The following PDE3B variants were observed in gnomAD, a reference collection of about 807,000 sequenced individuals.
The protein encoded by PDE3B is phosphodiesterase 3B.
Under a neutral mutation model 116.8 loss-of-function variants are expected in PDE3B, and 66 were observed. The observed-to-expected ratio is 0.56, with a 90% confidence interval of 0.46 to 0.69. The LOEUF is 0.69. Ranked by LOEUF, PDE3B falls within the 30% of genes least tolerant of loss-of-function variation. The probability of loss-of-function intolerance (pLI) is 0.00; values close to 1 mark genes in which losing one functional copy is unlikely to be tolerated. For synonymous variants in PDE3B, 595 were observed against 533.6 expected, an observed-to-expected ratio of 1.12 and a Z score of -1.59; for missense variants, 1,384 against 1,368.1, an observed-to-expected ratio of 1.01 and a Z score of -0.18.
intron 14 of PDE3B, among the ~76,000 whole-genome samples, chr11:14,866,011 C>T (rs904940617): frequency 1.3e-5 from 2 of 152,136 alleles, no homozygotes; most frequent in African/African-American, 2.4e-5. Flanking sequence ...TTCCTTATCT[C>T]CAATACGACC....
At chr11:14,679,495 C>T (rs963286972) in intron 1 of PDE3B, among the ~76,000 whole-genome samples, 4 of 152,254 alleles carry the variant, frequency 2.6e-5, no homozygotes, top group Middle Eastern at 3.4e-3. Context: ...CATATTTTGG[C>T]AAGCCAGCCA....
intron 14 of PDE3B, among the ~76,000 whole-genome samples, chr11:14,864,209 G>A (rs1402555046): frequency 1.3e-5 from 2 of 152,050 alleles, no homozygotes; most frequent in African/African-American, 4.8e-5. Context: ...AGACCAAGAA[G>A]GGCATTAAAT....
At chr11:14,831,548 T>A (rs540460373) in intron 8 of PDE3B, 92 bp from the exon 9 acceptor site, 72 of 715,576 alleles carry the variant, frequency 1.0e-4, no homozygotes, top group South Asian at 6.9e-4. Context: ...CTGACTTTTT[T>A]AAATGTTTAA....
intron 1 of PDE3B, among the ~76,000 whole-genome samples, chr11:14,740,516 C>A (rs569682234): frequency 1.3e-5 from 2 of 151,930 alleles, no homozygotes; most frequent in Non-Finnish European, 2.9e-5. Context: ...GTCTGGCTAG[C>A]GGTCTGTCTA....
In PDE3B at chr11:14,685,962, A is replaced by G. The variant is rs115019207; in HGVS notation, c.978+40909A>G. ...TACCTATGCCACAGGTGGACAGGTAAGCCCTTTTATGGTTGCTGAAATAAG... is the reference window on the plus strand; with the variant it reads ...TACCTATGCCACAGGTGGACAGGTAGGCCCTTTTATGGTTGCTGAAATAAG... On this transcript the variant is annotated intron_variant, in intron 1 of 15. Transcript: ENST00000282096. 2.9e-3 allele frequency among the ~76,000 whole-genome samples: 445 copies of G among 152,248 alleles called. 4 individuals are homozygous for G. The highest frequency in any genetic ancestry group is 9.9e-3 in the African/African-American group (412 of 41,554).
At chr11:14,826,949 C>T (rs1438316879) in intron 7 of PDE3B, among the ~76,000 whole-genome samples, 1 of 152,152 alleles carries the variant, frequency 6.6e-6, no homozygotes, top group Non-Finnish European at 1.5e-5. Flanking sequence ...AATTCAGCAG[C>T]ACATCTAAAA....
intron 1 of PDE3B, among the ~76,000 whole-genome samples, chr11:14,695,680 C>G (rs11606533): frequency 1.3e-5 from 2 of 151,962 alleles, no homozygotes; most frequent in Non-Finnish European, 2.9e-5. Flanking sequence ...CCACCCTCCC[C>G]CAACAGGCCC....
rs1313240588 is a variant in PDE3B, at chr11:14,819,181, T to C, written c.1779T>C (p.Asp593=). ...AATATGTTTCAACATCTGAATCAGA[T>C]GGTACAGATTGCTGCAGTGGAAAAT... ...MLKYVSTSES[D]GTDCCSGKSG... is the part of the protein sequence containing the mutation. The change falls in exon 7 of 16, where the codon GAT becomes GAC. Residue 593 remains aspartate (D), a synonymous_variant. Coordinates refer to ENST00000282096, the MANE Select transcript of PDE3B (RefSeq NM_000922.4). 2 of 1,594,594 alleles carry C rather than the reference T, an allele frequency of 1.3e-6. No homozygotes were observed. Among genetic ancestry groups the C allele is most frequent in the Non-Finnish European group, 1.7e-6 (2 of 1,167,046 alleles).
intron 5 of PDE3B, among the ~76,000 whole-genome samples, chr11:14,815,184 A>G (rs1463489045): frequency 6.6e-6 from 1 of 152,140 alleles, no homozygotes; most frequent in African/African-American, 2.4e-5. Flanking sequence ...AACATCTGAG[A>G]AGGAACTAGA....
chr11:14,710,304 A>G (rs150196713), intron 1 of PDE3B, among the ~76,000 whole-genome samples: 12 of 152,026 alleles, frequency 7.9e-5, no homozygotes, highest in Admixed American at 7.9e-4. Flanking sequence ...TATTTTTTTG[A>G]TTGATTGTGA....
At chr11:14,820,232 C>CTTTTTTTT (rs36115886) in intron 7 of PDE3B, among the ~76,000 whole-genome samples, 1 of 140,768 alleles carries the variant, frequency 7.1e-6, no homozygotes. Flanking sequence ...CCAACTCATT[C>CTTTTTTTT]TTTTTTTTTT....
At chr11:14,769,795 ATTTT>A (rs565891950) in intron 1 of PDE3B, among the ~76,000 whole-genome samples, 2 of 133,948 alleles carry the variant, frequency 1.5e-5, no homozygotes, top group Admixed American at 7.6e-5. Flanking sequence ...AATTTTCAAG[ATTTT>A]TTTTTTTTTT....
chr11:14,863,897 T>C (rs1847994942), intron 14 of PDE3B, among the ~76,000 whole-genome samples: 1 of 152,082 alleles, frequency 6.6e-6, no homozygotes, highest in Non-Finnish European at 1.5e-5. Context: ...CCACATCAAC[T>C]AACGGGCAAA....
chr11:14,708,300 C>T (rs377633062), intron 1 of PDE3B, among the ~76,000 whole-genome samples: 7 of 152,090 alleles, frequency 4.6e-5, no homozygotes, highest in African/African-American at 1.7e-4. Flanking sequence ...AACCTGAGGC[C>T]CTCCCTAGAT....
rs780711850 is a variant in PDE3B at position 14,786,515 on chromosome 11, C to A, written c.1108C>A (p.Pro370Thr). The change falls in exon 3 of 16, where the codon CCA (proline) becomes ACA (threonine). Residue 370 changes from proline to threonine, a missense_variant. By Grantham distance (38) the Pro-to-Thr change is conservative. This residue lies in a region of PDE3B where 956 missense variants were observed against 806.8 expected (regional missense o/e 1.18). Coordinates refer to ENST00000282096, the MANE Select transcript of PDE3B (RefSeq NM_000922.4). ...TATGGTGTCAGATCTTCTGACTGAT[C>A]CAAGCCTTCCACCACAAGTCATTTC... is the stretch of plus-strand genomic sequence containing the variant. The part of the protein sequence containing the change: ...RNMVSDLLTD[P>T]SLPPQVISSL... The A allele has an allele frequency of 1.2e-6, 2 of 1,612,642 alleles. No individual in the cohort carries two copies.
intron 2 of PDE3B, among the ~76,000 whole-genome samples, chr11:14,778,186 G>A (rs570895832): frequency 1.1e-4 from 16 of 152,170 alleles, no homozygotes; most frequent in Non-Finnish European, 2.4e-4. Flanking sequence ...AATGGGTGGA[G>A]CCCACCACAG....
At chr11:14,689,774 G>GTT (rs1164357577) in intron 1 of PDE3B, among the ~76,000 whole-genome samples, 2 of 152,150 alleles carry the variant, frequency 1.3e-5, no homozygotes, top group South Asian at 4.1e-4. Context: ...TAAGCTCCAG[G>GTT]TTTGTCACTT....
At chr11:14,817,685 A>G (rs1332224254) in intron 5 of PDE3B, among the ~76,000 whole-genome samples, 3 of 152,154 alleles carry the variant, frequency 2.0e-5, no homozygotes, top group Non-Finnish European at 4.4e-5. Context: ...GCAGTGAGCC[A>G]TGATTGTGCC....
At chr11:14,875,507 A>G (rs1848180753), downstream of PDE3B, among the ~76,000 whole-genome samples, 1 of 152,184 alleles carries the variant, frequency 6.6e-6, no homozygotes, top group Admixed American at 6.5e-5. Flanking sequence ...CTGATGAGAG[A>G]GAAGGCATCC....
Sources: allele counts gnomAD v4.1 joint callset (sites outside exome capture counted in the v4.1 genomes callset), GRCh38; gene constraint gnomAD v4.1.1; regional missense constraint gnomAD v4.1.1; transcripts MANE v1.5; gene names NCBI Gene and HGNC (gene_info 2026-07-23, HGNC 2026-07-21).